The following C10orf120 variants were observed in gnomAD, a reference collection of about 807,000 sequenced individuals.
C10orf120 encodes chromosome 10 open reading frame 120, also known as uncharacterized protein C10orf120.
In C10orf120, 15 loss-of-function variants were observed where a neutral mutation model predicts 10.8. That is an observed-to-expected ratio of 1.39 (90% CI 0.93 to 2.14). The LOEUF is 2.14. Among genes scored for constraint, C10orf120 ranks in the 30% most tolerant of loss-of-function variants. The pLI, the probability that C10orf120 is intolerant of heterozygous loss-of-function variation, is 0.00. For missense variants in C10orf120, 447 were observed against 411.3 expected, an observed-to-expected ratio of 1.09 and a Z score of -0.75; for synonymous variants, 141 against 138.9, an observed-to-expected ratio of 1.02 and a Z score of -0.11.
In C10orf120 at chr10:122,699,762, T is replaced by C. The variant is rs768301370; in HGVS notation, c.29A>G (p.Gln10Arg). 29 of 1,613,552 alleles carry C rather than the reference T, an allele frequency of 1.8e-5. 1 individual carries two copies. In the East Asian group the frequency reaches 6.5e-4, roughly 36 times the overall value. ...ACTAGCCCTCTGTTTTTCAATCCTC[T>C]GACAGTCATTCTTCCATTCTCTGAT... MIREWKNDC[Q>R]RIEKQRASDT... The change falls in exon 1 of 3, where the codon CAG becomes CGG. Residue 10 changes from glutamine (Q) to arginine (R), a missense_variant. Gln to Arg is a conservative substitution (Grantham distance 43). Coordinates refer to ENST00000329446, the MANE Select transcript of C10orf120 (RefSeq NM_001010912.4).
At chr10:122,698,730 A>G (rs895060304) in intron 2 of C10orf120, among the ~76,000 whole-genome samples, 1 of 152,228 alleles carries the variant, frequency 6.6e-6, no homozygotes, top group African/African-American at 2.4e-5. Flanking sequence ...CCTCGACAAG[A>G]CAACATATAC....
At position 122,699,352 on chromosome 10, in the gene C10orf120, CA is replaced by C. The variant is rs374803725; in HGVS notation, c.236del (p.Leu79TrpfsTer8). The C allele has an allele frequency of 7.1e-5, 114 of 1,612,284 alleles. No homozygotes were observed. The East Asian group carries it at 1.8e-3, about 25-fold the overall frequency. ...PRIALGKYSP[L>X]EKEILRLGGI... is the part of the protein sequence containing the mutation. Reference sequence around the variant, plus strand: ...GGACACTTACTAGGATCTCTTTTTCCAAGGGGGAGTATTTCCCAAGGGCAAT... The same window carrying C: ...GGACACTTACTAGGATCTCTTTTTCCAGGGGGAGTATTTCCCAAGGGCAAT... On this transcript the variant is annotated frameshift_variant, in exon 2 of 3. Coordinates refer to ENST00000329446, the MANE Select transcript of C10orf120 (RefSeq NM_001010912.4). LOFTEE classifies it low-confidence loss of function (END_TRUNC).
chr10:122,699,262 G>T, intron 2 of C10orf120, 75 bp downstream of exon 2: 1 of 973,468 alleles, frequency 1.0e-6, no homozygotes. Context: ...GGTGGCTTCT[G>T]AACCTTTGGC....
At chr10:122,698,542 C>G in intron 2 of C10orf120, 54 bp from the exon 3 acceptor site, 1 of 1,560,000 alleles carries the variant, frequency 6.4e-7, no homozygotes, top group Non-Finnish European at 8.8e-7. Flanking sequence ...GCAGGCGGCA[C>G]CCACAGAAAC....
In C10orf120 at chr10:122,697,752, GC is replaced by G. The variant is rs1400147376; in HGVS notation, c.988del (p.Ala330GlnfsTer?). 6.2e-7 allele frequency: 1 copy of G among 1,614,026 alleles called. No individual in the cohort carries two copies. ...ESIWKERMRK[A>X]TPYHY ...AAAACTTTAATAATGATAAGGAGTT[GC>G]TTTACGCATGCGCTCTTTCCAGATA... On this transcript the variant is annotated frameshift_variant, in exon 3 of 3. Transcript: ENST00000329446. LOFTEE classifies it low-confidence loss of function (END_TRUNC).
At position 122,698,220 on chromosome 10, in the gene C10orf120, G is replaced by A; in HGVS notation, c.521C>T (p.Ala174Val). ...VSKHIERMRLARALGNHQPLP... is the reference protein window; with the variant it reads ...VSKHIERMRLVRALGNHQPLP... ...AGGCTGATGATTTCCCAGAGCCCGAGCAAGCCTCATCCTCTCTATGTGCTT... is the reference window on the plus strand; with the variant it reads ...AGGCTGATGATTTCCCAGAGCCCGAACAAGCCTCATCCTCTCTATGTGCTT... The change falls in exon 3 of 3, where the codon GCT (alanine) becomes GTT (valine). Residue 174 changes from alanine to valine, a missense_variant. Coordinates refer to ENST00000329446, the MANE Select transcript of C10orf120 (RefSeq NM_001010912.4). The A allele has an allele frequency of 1.2e-6, 2 of 1,613,954 alleles. No individual in the cohort carries two copies. The highest frequency in any genetic ancestry group is 2.7e-5 in the African/African-American group (2 of 75,002).
Position 122,698,208 on chromosome 10 carries a change from C to T in C10orf120, c.533G>A (p.Gly178Glu), listed in dbSNP as rs776144555. ...IERMRLARAL[G>E]NHQPLPYIER... is the part of the protein sequence containing the mutation. ...AATGTAGGGTAAAGGCTGATGATTT[C>T]CCAGAGCCCGAGCAAGCCTCATCCT... Residue 178 changes from glycine to glutamate, a missense_variant, in exon 3 of 3, where the codon GGA becomes GAA. Physicochemically the swap from Gly to Glu is moderately conservative, Grantham distance 98. Coordinates refer to ENST00000329446, the MANE Select transcript of C10orf120 (RefSeq NM_001010912.4). 14 of 1,613,636 alleles carry T rather than the reference C, an allele frequency of 8.7e-6. No homozygotes were observed. Among genetic ancestry groups the T allele is most frequent in the South Asian group, 5.5e-5 (5 of 90,958 alleles).
rs369558492 is a variant in C10orf120 at position 122,697,752 on chromosome 10, G to C, written c.989C>G (p.Ala330Gly). Reference sequence around the variant, plus strand: ...AAAACTTTAATAATGATAAGGAGTTGCTTTACGCATGCGCTCTTTCCAGAT... The same window carrying C: ...AAAACTTTAATAATGATAAGGAGTTCCTTTACGCATGCGCTCTTTCCAGAT... ...ESIWKERMRK[A>G]TPYHY is the part of the protein sequence containing the mutation. Residue 330 changes from alanine to glycine, a missense_variant, in exon 3 of 3, where the codon GCA becomes GGA. Coordinates refer to ENST00000329446, the MANE Select transcript of C10orf120 (RefSeq NM_001010912.4). 2 of 1,614,026 alleles carry C rather than the reference G, an allele frequency of 1.2e-6. No individual in the cohort carries two copies. Among genetic ancestry groups the C allele is most frequent in the African/African-American group, 2.7e-5 (2 of 75,056 alleles).
Position 122,698,084 on chromosome 10 carries a change from A to G in C10orf120, c.657T>C (p.Asn219=), listed in dbSNP as rs533804368. The G allele has an allele frequency of 4.1e-5, 66 of 1,613,728 alleles. No individual in the cohort carries two copies. Among genetic ancestry groups the G allele is most frequent in the Non-Finnish European group, 4.7e-5 (56 of 1,179,934 alleles). Residue 219 remains asparagine (N), a synonymous_variant, in exon 3 of 3, where the codon AAT becomes AAC. Coordinates refer to ENST00000329446, the MANE Select transcript of C10orf120 (RefSeq NM_001010912.4). ...RRKEDNYDTH[N]CDDANQDKKE... ...TCTTATCTTGGTTGGCATCATCACAATTATGGGTGTCATAGTTGTCTTCCT... is the reference window on the plus strand; with the variant it reads ...TCTTATCTTGGTTGGCATCATCACAGTTATGGGTGTCATAGTTGTCTTCCT...
intron 2 of C10orf120, 55 bp downstream of exon 2, chr10:122,699,282 C>T: frequency 7.6e-7 from 1 of 1,310,648 alleles, no homozygotes; most frequent in South Asian, 1.2e-5. Flanking sequence ...CTCCCTCTAG[C>T]TAAACTGGCT....
At position 122,699,325 on chromosome 10, in the gene C10orf120, C is replaced by T. The variant is rs775362519; in HGVS notation, c.252+12G>A. The T allele has an allele frequency of 4.6e-5, 73 of 1,603,356 alleles. No individual in the cohort carries two copies. Among genetic ancestry groups the T allele is most frequent in the Non-Finnish European group, 5.4e-5 (63 of 1,171,038 alleles). On this transcript the variant is annotated intron_variant, in intron 2 of 2. Coordinates refer to ENST00000329446, the MANE Select transcript of C10orf120 (RefSeq NM_001010912.4). Reference sequence around the variant, plus strand: ...GTGGGGCCTCTCCGTGTGAAAACTGCGGGACACTTACTAGGATCTCTTTTT... The same window carrying T: ...GTGGGGCCTCTCCGTGTGAAAACTGTGGGACACTTACTAGGATCTCTTTTT...
rs769493616 is a variant in C10orf120, at chr10:122,699,751, T to C, written c.40A>G (p.Lys14Glu). 6.2e-6 allele frequency: 10 copies of C among 1,614,004 alleles called. No homozygotes were observed. The highest frequency in any genetic ancestry group is 8.5e-6 in the Non-Finnish European group (10 of 1,179,938). Residue 14 changes from lysine (K) to glutamate (E), a missense_variant, in exon 1 of 3, where the codon AAA becomes GAA. Lys to Glu is a moderately conservative substitution (Grantham distance 56, BLOSUM62 1). Transcript: ENST00000329446. ...EWKNDCQRIE[K>E]QRASDTMVQE... is the part of the protein sequence containing the mutation. ...ACCATTGTGTCACTAGCCCTCTGTT[T>C]TTCAATCCTCTGACAGTCATTCTTC...
Position 122,699,391 on chromosome 10 carries a change from T to C in C10orf120, c.198A>G (p.Arg66=). 6.2e-7 allele frequency: 1 copy of C among 1,613,070 alleles called. No individual in the cohort carries two copies. The highest frequency in any genetic ancestry group is 8.5e-7 in the Non-Finnish European group (1 of 1,179,120). ...SPLRIWSKFY[R]SDPRIALGKY... is the part of the protein sequence containing the mutation. ...TCCCAAGGGCAATCCGTGGGTCTGATCTGTAGAATTTGCTCCATATCCTGC... is the reference window on the plus strand; with the variant it reads ...TCCCAAGGGCAATCCGTGGGTCTGACCTGTAGAATTTGCTCCATATCCTGC... The change falls in exon 2 of 3, where the codon AGA becomes AGG. Residue 66 remains arginine, a synonymous_variant. Transcript: ENST00000329446.
Position 122,698,453 on chromosome 10 carries a change from CCTT to C in C10orf120, c.285_287del (p.Arg96del). 4 of 1,614,142 alleles carry C rather than the reference CCTT, an allele frequency of 2.5e-6. No individual in the cohort carries two copies. The South Asian group carries it at 3.3e-5, about 13-fold the overall frequency. On this transcript the variant is annotated inframe_deletion, in exon 3 of 3. Coordinates refer to ENST00000329446, the MANE Select transcript of C10orf120 (RefSeq NM_001010912.4). ...CTTCCTCTTGCTTGTAAGCCAAAAGCCTTCTTGCTGCTATGGTGTGAATGCCAC... is the reference window on the plus strand; with the variant it reads ...CTTCCTCTTGCTTGTAAGCCAAAAGCCTTGCTGCTATGGTGTGAATGCCAC...
At chr10:122,698,562 G>C in intron 2 of C10orf120, 74 bp from the exon 3 acceptor site, 1 of 1,388,816 alleles carries the variant, frequency 7.2e-7, no homozygotes, top group Non-Finnish European at 1.0e-6. Flanking sequence ...CTTGCTAGTG[G>C]CTGGTTCTCC....
chr10:122,699,447 G>C lies in C10orf120; in HGVS notation c.177-35C>G, dbSNP rs145641327. 4.6e-4 allele frequency: 716 copies of C among 1,569,352 alleles called. 4 individuals carry two copies. In the African/African-American group the frequency reaches 8.1e-3, roughly 18 times the overall value. ...GAGAAGCAGGAATATCAGAATTCTG[G>C]AAAGGCTCTTCCTACTTTTCCCTCC... On this transcript the variant is annotated intron_variant, in intron 1 of 2. Transcript: ENST00000329446.
Position 122,699,769 on chromosome 10 carries a change from C to A in C10orf120, c.22G>T (p.Asp8Tyr). The A allele has an allele frequency of 6.2e-7, 1 of 1,612,900 alleles. No individual in the cohort carries two copies. Among genetic ancestry groups the A allele is most frequent in the South Asian group, 1.1e-5 (1 of 90,772 alleles). The change falls in exon 1 of 3, where the codon GAC becomes TAC. Residue 8 changes from aspartate to tyrosine, a missense_variant. Physicochemically the swap from Asp to Tyr is radical, Grantham distance 160. Coordinates refer to ENST00000329446, the MANE Select transcript of C10orf120 (RefSeq NM_001010912.4). ...CTCTGTTTTTCAATCCTCTGACAGTCATTCTTCCATTCTCTGATCATACTC... is the reference window on the plus strand; with the variant it reads ...CTCTGTTTTTCAATCCTCTGACAGTAATTCTTCCATTCTCTGATCATACTC... MIREWKNDCQRIEKQRAS... is the reference protein window; with the variant it reads MIREWKNYCQRIEKQRAS...
intron 2 of C10orf120, among the ~76,000 whole-genome samples, chr10:122,698,855 G>C (rs1845823819): frequency 6.6e-6 from 1 of 152,018 alleles, no homozygotes; most frequent in Non-Finnish European, 1.5e-5. Flanking sequence ...GGCCGGGCGC[G>C]GTGGCTCACG....
rs1181326124 is a variant in C10orf120 at position 122,698,332 on chromosome 10, C to T, written c.409G>A (p.Val137Ile). The T allele has an allele frequency of 6.2e-7, 1 of 1,614,016 alleles. No homozygotes were observed. The highest frequency in any genetic ancestry group is 1.3e-5 in the African/African-American group (1 of 74,904). ...KKHSSPCAIC[V>I]PLEKIWTAKV... ...GCTGTCCATATTTTTTCTAGGGGTA[C>T]ACAAATAGCACAAGGAGAGGAATGT... The change falls in exon 3 of 3, where the codon GTA becomes ATA. Residue 137 changes from valine to isoleucine, a missense_variant. Physicochemically the swap from Val to Ile is conservative, Grantham distance 29. Coordinates refer to ENST00000329446, the MANE Select transcript of C10orf120 (RefSeq NM_001010912.4).
Sources: gnomAD v4.1 joint callset for allele counts (sites outside exome capture counted in the v4.1 genomes callset) on GRCh38, gnomAD v4.1.1 for gene constraint, MANE v1.5 for transcripts, NCBI Gene and HGNC (gene_info 2026-07-23, HGNC 2026-07-21) for gene names.